The following PCARE variants were observed in gnomAD, a reference collection of about 807,000 sequenced individuals.
PCARE encodes the protein uncharacterized protein C2orf71.
In PCARE, 72 loss-of-function variants were observed where a neutral mutation model predicts 82.2. The observed-to-expected ratio is 0.88, with a 90% CI of 0.72 to 1.07. The LOEUF (loss-of-function observed/expected upper bound fraction) is 1.07. Ranked by LOEUF, PCARE falls within the 50% of genes least tolerant of loss-of-function variation. The pLI is 0.00. For synonymous variants in PCARE, 705 were observed against 634.8 expected, an observed-to-expected ratio of 1.11 and a Z score of -1.66; for missense variants, 1,768 against 1,592.4, an observed-to-expected ratio of 1.11 and a Z score of -1.88.
In PCARE at chr2:29,063,472, C is replaced by G. The variant is rs1667342344; in HGVS notation, c.*1397G>C. 1 of 152,682 alleles carries G rather than the reference C, an allele frequency of 6.5e-6. No homozygotes were observed. Among genetic ancestry groups the G allele is most frequent in the African/African-American group, 2.4e-5 (1 of 41,474 alleles). The allele number at this position is 152,682 out of a possible 1,614,324, so 9.5% of individuals were successfully genotyped here. A position where few individuals can be genotyped will look rare whatever the true frequency, so the allele number is the denominator to read the frequency against. On this transcript the variant is annotated 3_prime_UTR_variant, in exon 2 of 2. Transcript: ENST00000331664. ...ATTCATTTACTCAGAGTCATAGCCTCTCTCTGGGGGAGGTTGCTATAGTCC... is the reference window on the plus strand; with the variant it reads ...ATTCATTTACTCAGAGTCATAGCCTGTCTCTGGGGGAGGTTGCTATAGTCC...
chr2:29,072,844 G>A lies in PCARE; in HGVS notation c.1418C>T (p.Ser473Phe). Reference protein sequence around the residue: ...VSVEPHLSKTSRPMDASSLSD... With the variant: ...VSVEPHLSKTFRPMDASSLSD... ...AAGAGATGAAGCGTCCATCGGCCTG[G>A]AGGTTTTGGAAAGGTGTGGTTCCAC... The change falls in exon 1 of 2, where the codon TCC (serine) becomes TTC (phenylalanine). Residue 473 changes from serine to phenylalanine, a missense_variant. Transcript: ENST00000331664. The A allele has an allele frequency of 6.2e-7, 1 of 1,614,178 alleles. No individual in the cohort carries two copies. The highest frequency in any genetic ancestry group is 2.2e-5 in the East Asian group (1 of 44,880).
At position 29,071,666 on chromosome 2, in the gene PCARE, C is replaced by T. The variant is rs1219674585; in HGVS notation, c.2596G>A (p.Gly866Arg). 6.2e-6 allele frequency: 10 copies of T among 1,614,058 alleles called. No homozygotes were observed. The highest frequency in any genetic ancestry group is 8.5e-6 in the Non-Finnish European group (10 of 1,179,954). ...ENSPKETQEPGPGEAGPTRRT... is the reference protein window; with the variant it reads ...ENSPKETQEPRPGEAGPTRRT... ...CTGGTGGGGCCAGCCTCTCCCGGCC[C>T]TGGCTCCTGGGTTTCCTTGGGGGAG... The change falls in exon 1 of 2, where the codon GGG (glycine) becomes AGG (arginine). Residue 866 changes from glycine to arginine, a missense_variant. By Grantham distance (125) the Gly-to-Arg change is moderately radical. Transcript: ENST00000331664.
In PCARE at chr2:29,062,661, G is replaced by T. The variant is rs562519731; in HGVS notation, c.*2208C>A. Reference sequence around the variant, plus strand: ...TGCATGGCCACAGCAGGGGGCACTCGGCCACCCTTTCCACTTTCTACCCAG... The same window carrying T: ...TGCATGGCCACAGCAGGGGGCACTCTGCCACCCTTTCCACTTTCTACCCAG... On this transcript the variant is annotated 3_prime_UTR_variant, in exon 2 of 2. Coordinates refer to ENST00000331664, the MANE Select transcript of PCARE (RefSeq NM_001029883.3). 2 of 152,416 alleles carry T rather than the reference G, an allele frequency of 1.3e-5. No homozygotes were observed. Among genetic ancestry groups the T allele is most frequent in the South Asian group, 4.1e-4 (2 of 4,830 alleles). 9.4% of individuals were successfully genotyped at this position (152,416 alleles called of 1,614,324 possible).
rs1362646932 is a variant in PCARE, at chr2:29,072,856, A to T, written c.1406T>A (p.Leu469His). ...FGIGVSVEPH[L>H]SKTSRPMDAS... ...GTCCATCGGCCTGGAGGTTTTGGAA[A>T]GGTGTGGTTCCACAGAGACCCCAAT... The change falls in exon 1 of 2, where the codon CTT (leucine) becomes CAT (histidine). Residue 469 changes from leucine to histidine, a missense_variant. Leu to His is a moderately conservative substitution (Grantham distance 99). Coordinates refer to ENST00000331664, the MANE Select transcript of PCARE (RefSeq NM_001029883.3). 8 of 1,614,036 alleles carry T rather than the reference A, an allele frequency of 5.0e-6. No homozygotes were observed. The highest frequency in any genetic ancestry group is 1.3e-5 in the African/African-American group (1 of 74,896).
Position 29,073,835 on chromosome 2 carries a change from A to C in PCARE, c.427T>G (p.Ser143Ala). The part of the protein sequence containing the change: ...ESEESSTQDT[S>A]KWKRTAKCHT... ...CATTTTGCTGTCCTTTTCCATTTGG[A>C]AGTATCTTGGGTACTACTTTCCTCA... Residue 143 changes from serine to alanine, a missense_variant, in exon 1 of 2, where the codon TCC (serine) becomes GCC (alanine). By Grantham distance (99) the Ser-to-Ala change is moderately conservative (BLOSUM62 1). Coordinates refer to ENST00000331664, the MANE Select transcript of PCARE (RefSeq NM_001029883.3). 1.2e-6 allele frequency: 2 copies of C among 1,614,114 alleles called. No individual in the cohort carries two copies. Among genetic ancestry groups the C allele is most frequent in the Non-Finnish European group, 8.5e-7 (1 of 1,180,014 alleles).
rs10185075 is a variant in PCARE at position 29,062,199 on chromosome 2, A to C, written c.*2670T>G. 1 of 152,042 alleles carries C rather than the reference A, an allele frequency of 6.6e-6. No individual in the cohort carries two copies. Among genetic ancestry groups the C allele is most frequent in the Non-Finnish European group, 1.5e-5 (1 of 68,048 alleles). The allele number at this position is 152,042 out of a possible 1,614,324, so 9.4% of individuals were successfully genotyped here. ...GCTGACTTGGAATTCCAGTAGCCTA[A>C]GGTTACTGGGCAACACAATGGTGTC... On this transcript the variant is annotated 3_prime_UTR_variant, in exon 2 of 2. Transcript: ENST00000331664.
intron 1 of PCARE, among the ~76,000 whole-genome samples, chr2:29,068,121 G>T (rs902953349): frequency 6.6e-6 from 1 of 152,176 alleles, no homozygotes; most frequent in East Asian, 1.9e-4. Flanking sequence ...AATAAGTGGC[G>T]GGAGTGAGGA....
Position 29,072,432 on chromosome 2 carries a change from C to T in PCARE, c.1830G>A (p.Gln610=). The change falls in exon 1 of 2, where the codon CAG becomes CAA. Residue 610 remains glutamine (Q), a synonymous_variant. Coordinates refer to ENST00000331664, the MANE Select transcript of PCARE (RefSeq NM_001029883.3). ...GGTCCCTCTGGACCCTTCGCAGCTC[C>T]TGAAAGGTGGGGTCCTCCACGTGAC... ...LQSHVEDPTF[Q]ELRRVQRDLS... is the part of the protein sequence containing the mutation. The T allele has an allele frequency of 6.2e-7, 1 of 1,614,200 alleles. No individual in the cohort carries two copies. Among genetic ancestry groups the T allele is most frequent in the Non-Finnish European group, 8.5e-7 (1 of 1,180,042 alleles).
Position 29,073,575 on chromosome 2 carries a change from G to A in PCARE, c.687C>T (p.Ile229=). The A allele has an allele frequency of 6.2e-7, 1 of 1,614,184 alleles. No individual in the cohort carries two copies. Among genetic ancestry groups the A allele is most frequent in the Non-Finnish European group, 8.5e-7 (1 of 1,180,040 alleles). Residue 229 remains isoleucine (I), a synonymous_variant, in exon 1 of 2, where the codon ATC becomes ATT. Coordinates refer to ENST00000331664, the MANE Select transcript of PCARE (RefSeq NM_001029883.3). Reference sequence around the variant, plus strand: ...TGGAGATCTCCCCCAACAGCTGGCTGATCTCCTCAAAGCACAGCAGCAAGA... The same window carrying A: ...TGGAGATCTCCCCCAACAGCTGGCTAATCTCCTCAAAGCACAGCAGCAAGA... The part of the protein sequence containing the change: ...VSFLLLCFEE[I]SQLLGEISKD...
chr2:29,067,665 C>T (rs1667410857), intron 1 of PCARE, among the ~76,000 whole-genome samples: 1 of 152,210 alleles, frequency 6.6e-6, no homozygotes, highest in Non-Finnish European at 1.5e-5. Flanking sequence ...GTGCCTCAGC[C>T]TCCCGAGTAG....
Position 29,073,248 on chromosome 2 carries a change from A to G in PCARE, c.1014T>C (p.Pro338=), listed in dbSNP as rs749781119. 1 of 1,613,934 alleles carries G rather than the reference A, an allele frequency of 6.2e-7. No individual in the cohort carries two copies. The highest frequency in any genetic ancestry group is 8.5e-7 in the Non-Finnish European group (1 of 1,179,890). Residue 338 remains proline, a synonymous_variant, in exon 1 of 2, where the codon CCT becomes CCC. Coordinates refer to ENST00000331664, the MANE Select transcript of PCARE (RefSeq NM_001029883.3). The part of the protein sequence containing the change: ...LESLASGCGD[P]GVQGLPLCSE... ...AGCATAAGGGGAGACCCTGCACCCCAGGGTCGCCACAGCCACTCGCCAGGC... is the reference window on the plus strand; with the variant it reads ...AGCATAAGGGGAGACCCTGCACCCCGGGGTCGCCACAGCCACTCGCCAGGC...
Position 29,072,564 on chromosome 2 carries a change from C to A in PCARE, c.1698G>T (p.Glu566Asp). 1 of 1,614,202 alleles carries A rather than the reference C, an allele frequency of 6.2e-7. No individual in the cohort carries two copies. The highest frequency in any genetic ancestry group is 1.1e-5 in the South Asian group (1 of 91,088). ...PVPCGHQDWS[E>D]EEEGRTVVPP... is the part of the protein sequence containing the mutation. ...GGACCACTGTCCTCCCCTCCTCCTC[C>A]TCAGACCAGTCCTGGTGCCCACAGG... Residue 566 changes from glutamate to aspartate, a missense_variant, in exon 1 of 2, where the codon GAG (glutamate) becomes GAT (aspartate). Physicochemically the swap from Glu to Asp is conservative, Grantham distance 45 (BLOSUM62 2). Coordinates refer to ENST00000331664, the MANE Select transcript of PCARE (RefSeq NM_001029883.3).
rs371841826 is a variant in PCARE at position 29,074,291 on chromosome 2, C to T, written c.-30G>A. 1 of 1,513,924 alleles carries T rather than the reference C, an allele frequency of 6.6e-7. No individual in the cohort carries two copies. Among genetic ancestry groups the T allele is most frequent in the African/African-American group, 1.4e-5 (1 of 71,716 alleles). 93.8% of individuals were successfully genotyped at this position (1,513,924 alleles called of 1,614,324 possible). The stretch of plus-strand genomic sequence containing the variant: ...TCAGCTTGTAGTCATCTTCCACCCA[C>T]CTTCACAATTTTCCAAGAATCATAT... On this transcript the variant is annotated 5_prime_UTR_variant, in exon 1 of 2. It adds an upstream start codon to the 5' untranslated region. Transcript: ENST00000331664.
At chr2:29,069,625 C>T (rs1667440206) in intron 1 of PCARE, among the ~76,000 whole-genome samples, 1 of 151,814 alleles carries the variant, frequency 6.6e-6, no homozygotes, top group Non-Finnish European at 1.5e-5. Context: ...TACAATAAAC[C>T]CCTTGTGACA....
In PCARE at chr2:29,071,419, G is replaced by A; in HGVS notation, c.2843C>T (p.Thr948Ile). The change falls in exon 1 of 2, where the codon ACC becomes ATC. Residue 948 changes from threonine (T) to isoleucine (I), a missense_variant. By Grantham distance (89) the Thr-to-Ile change is moderately conservative. Transcript: ENST00000331664. The stretch of plus-strand genomic sequence containing the variant: ...CTTCCGGGGCTGCCTGTAGAGGCTG[G>A]TGGCCTTCTCTGCCTGACTCCAAGT... ...GGTWSQAEKATSLYRQPRKAI... is the reference protein window; with the variant it reads ...GGTWSQAEKAISLYRQPRKAI... 1.2e-6 allele frequency: 2 copies of A among 1,613,566 alleles called. No homozygotes were observed. Among genetic ancestry groups the A allele is most frequent in the South Asian group, 1.1e-5 (1 of 91,090 alleles).
Position 29,072,675 on chromosome 2 carries a change from G to C in PCARE, c.1587C>G (p.Thr529=). 6.2e-7 allele frequency: 1 copy of C among 1,614,090 alleles called. No individual in the cohort carries two copies. The highest frequency in any genetic ancestry group is 8.5e-7 in the Non-Finnish European group (1 of 1,180,036). The change falls in exon 1 of 2, where the codon ACC becomes ACG. Residue 529 remains threonine (T), a synonymous_variant. Transcript: ENST00000331664. ...GGGCCTGGAGGCTCCTAAGCCTCCT[G>C]GTGCGGGCCTGAAATGGGCTTTCCC... The part of the protein sequence containing the change: ...ADRESPFQAR[T]RRLRSLQAQE...
rs531692702 is a variant in PCARE at position 29,064,457 on chromosome 2, G to A, written c.*412C>T. On this transcript the variant is annotated 3_prime_UTR_variant, in exon 2 of 2. Transcript: ENST00000331664. ...TGAGGGGGCCTCTCCCCACACCTTC[G>A]GTTTTCATATGCGCAAAACTGAAGA... 25 of 268,600 alleles carry A rather than the reference G, an allele frequency of 9.3e-5. No homozygotes were observed. The highest frequency in any genetic ancestry group is 1.3e-3 in the Middle Eastern group (1 of 790). The allele number at this position is 268,600 out of a possible 1,614,324, so 16.6% of individuals were successfully genotyped here. A position where few individuals can be genotyped will look rare whatever the true frequency, so the allele number is the denominator to read the frequency against.
In PCARE at chr2:29,074,186, T is replaced by G; in HGVS notation, c.76A>C (p.Lys26Gln). The G allele has an allele frequency of 6.2e-7, 1 of 1,606,256 alleles. No homozygotes were observed. The highest frequency in any genetic ancestry group is 8.5e-7 in the Non-Finnish European group (1 of 1,175,378). ...KSGIQFLKKP[K>Q]AIRPGCQGGS... ...CCCTGACATCCTGGCCGAATTGCTT[T>G]GGGCTTTTTCAAGAACTGAATGCCA... The change falls in exon 1 of 2, where the codon AAA becomes CAA. Residue 26 changes from lysine (K) to glutamine (Q), a missense_variant. Transcript: ENST00000331664.
Position 29,064,523 on chromosome 2 carries a change from C to A in PCARE, c.*346G>T. 1 of 447,208 alleles carries A rather than the reference C, an allele frequency of 2.2e-6. No homozygotes were observed. Among genetic ancestry groups the A allele is most frequent in the Non-Finnish European group, 4.1e-6 (1 of 242,830 alleles). The allele number at this position is 447,208 out of a possible 1,614,324, so 27.7% of individuals were successfully genotyped here. On this transcript the variant is annotated 3_prime_UTR_variant, in exon 2 of 2. Transcript: ENST00000331664. ...TTCACTGTTGTGAGGCTTAAGTGAT[C>A]TCAAGGAATGAACCCAGTTAAAACC... is the stretch of plus-strand genomic sequence containing the variant.
Sources: allele counts gnomAD v4.1 joint callset (sites outside exome capture counted in the v4.1 genomes callset), GRCh38; gene constraint gnomAD v4.1.1; transcripts MANE v1.5; gene names NCBI Gene and HGNC (gene_info 2026-07-23, HGNC 2026-07-21).